The following MACF1 variants were observed in gnomAD, a reference collection of about 807,000 sequenced individuals.
MACF1 encodes the protein microtubule-actin cross-linking factor 1.
In MACF1, 193 loss-of-function variants were observed where a neutral mutation model predicts 854.8. That is an observed-to-expected ratio of 0.23 (90% confidence interval 0.20 to 0.25). The LOEUF is 0.25. Among genes scored for constraint, MACF1 ranks in the 10% least tolerant of loss-of-function variants. The probability of loss-of-function intolerance (pLI) is 1.00; values close to 1 mark genes in which losing one functional copy is unlikely to be tolerated. For synonymous variants in MACF1, 3,185 were observed against 3,226.7 expected (o/e 0.99, Z 0.44); for missense variants, 7,722 against 8,929.1 (o/e 0.86, Z 5.45).
intron 45 of MACF1, among the ~76,000 whole-genome samples, chr1:39,358,417 A>G (rs944432709): frequency 6.6e-5 from 10 of 152,188 alleles, no homozygotes; most frequent in South Asian, 4.1e-4. Flanking sequence ...CTTAACCCCT[A>G]CCTTTGTCTG....
In MACF1 at chr1:39,190,823, C is replaced by T. The variant is rs574274658; in HGVS notation, c.221-40359C>T. Among the ~76,000 whole-genome samples the T allele has an allele frequency of 3.3e-5, 5 of 152,036 alleles. No individual in the cohort carries two copies. In the South Asian group the frequency reaches 6.2e-4, roughly 19 times the overall value. Reference sequence around the variant, plus strand: ...TGGGTTGGCCAACATGGCGAAACCCCGTCTCTACTAAAAATACAAAAATTA... The same window carrying T: ...TGGGTTGGCCAACATGGCGAAACCCTGTCTCTACTAAAAATACAAAAATTA... On this transcript the variant is annotated intron_variant, in intron 2 of 93. Coordinates refer to the MACF1 transcript ENST00000361689.
chr1:39,459,311 C>G (rs747761963), intron 91 of MACF1, 62 bp downstream of exon 91: 27 of 1,503,518 alleles, frequency 1.8e-5, no homozygotes, highest in Non-Finnish European at 2.4e-5. Flanking sequence ...AAACACAGCC[C>G]TTCTGAGGCT....
intron 58 of MACF1, among the ~76,000 whole-genome samples, chr1:39,392,840 C>T (rs1350602136): frequency 6.6e-6 from 1 of 152,138 alleles, no homozygotes; most frequent in Non-Finnish European, 1.5e-5. Flanking sequence ...CAGATTCTAT[C>T]ACATGGGAGT....
At chr1:39,339,517 A>T (rs938084340) in intron 38 of MACF1, among the ~76,000 whole-genome samples, 1 of 152,232 alleles carries the variant, frequency 6.6e-6, no homozygotes, top group Non-Finnish European at 1.5e-5. Context: ...GTGACGGGAT[A>T]TAAACTAACT....
upstream of MACF1, among the ~76,000 whole-genome samples, chr1:39,201,347 A>G (rs1431542903): frequency 1.3e-5 from 2 of 151,924 alleles, no homozygotes; most frequent in African/African-American, 2.4e-5. Flanking sequence ...TGATCTCAAC[A>G]TAGGAACAAG....
At chr1:39,262,336 G>A (rs1464408677) in intron 6 of MACF1, among the ~76,000 whole-genome samples, 1 of 145,278 alleles carries the variant, frequency 6.9e-6, no homozygotes, top group Non-Finnish European at 1.5e-5. Flanking sequence ...GGGAGGTGGA[G>A]GCTGCAGTGA....
At chr1:39,195,826 T>G (rs1348578025) in intron 2 of MACF1, among the ~76,000 whole-genome samples, 1 of 152,218 alleles carries the variant, frequency 6.6e-6, no homozygotes, top group Non-Finnish European at 1.5e-5. Context: ...CCAATCATTA[T>G]ACATGCTTCA....
chr1:39,333,266 A>G lies in MACF1; in HGVS notation c.6678A>G (p.Lys2226=). The change falls in exon 37 of 101, where the codon AAA becomes AAG. Residue 2226 remains lysine (K), a synonymous_variant. Coordinates refer to ENST00000564288, the MANE Select transcript of MACF1 (RefSeq NM_001394062.1). ...ATGGGAATGTTCATCCTCTGGACAA[A>G]AAGGAAATGTTAAAGAAAACATTTC... is the stretch of plus-strand genomic sequence containing the variant. ...ETDGNVHPLD[K]KEMLKKTFLA... is the part of the protein sequence containing the mutation. 6.2e-7 allele frequency: 1 copy of G among 1,614,106 alleles called. No homozygotes were observed. The highest frequency in any genetic ancestry group is 8.5e-7 in the Non-Finnish European group (1 of 1,180,036).
chr1:39,257,894 A>G (rs1227513310), intron 5 of MACF1, 42 bp from the exon 6 acceptor site: 1 of 1,440,030 alleles, frequency 6.9e-7, no homozygotes, highest in African/African-American at 1.4e-5. Context: ...ATCAAAACAA[A>G]AAGTCCTAGA....
chr1:39,276,268 G>A (rs1645434916), intron 6 of MACF1, among the ~76,000 whole-genome samples: 1 of 152,036 alleles, frequency 6.6e-6, no homozygotes, highest in African/African-American at 2.4e-5. Flanking sequence ...TATCTTTAGT[G>A]GGTGATGAGG....
intron 58 of MACF1, among the ~76,000 whole-genome samples, chr1:39,394,752 A>C (rs1173563741): frequency 6.6e-6 from 1 of 152,184 alleles, no homozygotes; most frequent in Admixed American, 6.5e-5. Flanking sequence ...CAGTTAGTAC[A>C]CCTGCCTGAG....
At chr1:39,187,995 CCCCTT>C (rs1160407776) in intron 2 of MACF1, among the ~76,000 whole-genome samples, 11 of 71,692 alleles carry the variant, frequency 1.5e-4, no homozygotes, top group African/African-American at 4.3e-4. Context: ...CCCCTCCCCT[CCCCTT>C]CCCTTCCCTT....
chr1:39,459,124 A>G lies in MACF1; in HGVS notation c.21235A>G (p.Ile7079Val), dbSNP rs373082989. The change falls in exon 91 of 101, where the codon ATC becomes GTC. Residue 7079 changes from isoleucine to valine, a missense_variant. Transcript: ENST00000564288. ...TCAGCCAACCCCTCCTCCCATGCCA[A>G]TCCTTTCACAGTCTGAAGCAAAAAA... is the stretch of plus-strand genomic sequence containing the variant. ...LSQPTPPPMP[I>V]LSQSEAKNPR... The G allele has an allele frequency of 2.9e-5, 46 of 1,613,892 alleles. No individual in the cohort carries two copies. Among genetic ancestry groups the G allele is most frequent in the African/African-American group, 8.0e-5 (6 of 74,882 alleles).
chr1:39,392,574 T>C (rs1642076054), intron 58 of MACF1, among the ~76,000 whole-genome samples: 1 of 152,286 alleles, frequency 6.6e-6, no homozygotes, highest in South Asian at 2.1e-4. Context: ...GAAGAGGATA[T>C]GAATCTGGGA....
chr1:39,254,803 A>G (rs574617618), intron 5 of MACF1, among the ~76,000 whole-genome samples: 1 of 152,232 alleles, frequency 6.6e-6, no homozygotes, highest in Non-Finnish European at 1.5e-5. Flanking sequence ...AAAAAGGTCT[A>G]AGTTGTTAAG....
At chr1:39,480,425 A>G (rs1339963639) in intron 98 of MACF1, among the ~76,000 whole-genome samples, 1 of 152,226 alleles carries the variant, frequency 6.6e-6, no homozygotes, top group African/African-American at 2.4e-5. Flanking sequence ...AGCGTGGGCA[A>G]CATAGCAAGA....
rs755044209 is a variant in MACF1, at chr1:39,335,391, A to G, written c.8803A>G (p.Ile2935Val). 1 of 1,614,160 alleles carries G rather than the reference A, an allele frequency of 6.2e-7. No individual in the cohort carries two copies. Among genetic ancestry groups the G allele is most frequent in the Admixed American group, 1.7e-5 (1 of 60,020 alleles). The change falls in exon 37 of 101, where the codon ATA becomes GTA. Residue 2935 changes from isoleucine (I) to valine (V), a missense_variant. Ile to Val is a conservative substitution (Grantham distance 29). Transcript: ENST00000564288. ...TACCTCATGTCTAGATTCTGAAGAA[A>G]TAAGAGAAAATCAAGGGGAAGTGAT... is the stretch of plus-strand genomic sequence containing the variant. Reference protein sequence around the residue: ...QSTSCLDSEEIRENQGEVILE... With the variant: ...QSTSCLDSEEVRENQGEVILE...
In MACF1 at chr1:39,335,725, C is replaced by A. The variant is rs1183839867; in HGVS notation, c.9137C>A (p.Ser3046Tyr). 1 of 1,613,732 alleles carries A rather than the reference C, an allele frequency of 6.2e-7. No individual in the cohort carries two copies. The highest frequency in any genetic ancestry group is 8.5e-7 in the Non-Finnish European group (1 of 1,179,962). ...SITFKIEESS[S>Y]QVVPQGISVK... ...ACTTTTAAAATTGAAGAGTCCTCTT[C>A]CCAAGTGGTACCTCAAGGAATTTCT... Residue 3046 changes from serine to tyrosine, a missense_variant, in exon 37 of 101, where the codon TCC becomes TAC. This residue lies in a region of MACF1 where 854 missense variants were observed against 852.6 expected (regional missense o/e 1.00). Transcript: ENST00000564288.
chr1:39,388,418 T>C lies in MACF1; in HGVS notation c.15576T>C (p.Thr5192=), dbSNP rs1641883442. The C allele has an allele frequency of 4.3e-6, 7 of 1,614,110 alleles. No individual in the cohort carries two copies. The Middle Eastern group carries it at 6.6e-4, about 152-fold the overall frequency. The part of the protein sequence containing the change: ...ECRHMLEEEG[T]LDLLGLKREL... ...GACATATGCTAGAAGAAGAGGGGAC[T>C]CTGGATTTGTTAGGTCTCAAAAGGG... Residue 5192 remains threonine (T), a synonymous_variant, in exon 58 of 101, where the codon ACT becomes ACC. Coordinates refer to ENST00000564288, the MANE Select transcript of MACF1 (RefSeq NM_001394062.1).
Sources: allele counts gnomAD v4.1 joint callset (sites outside exome capture counted in the v4.1 genomes callset), GRCh38; gene constraint gnomAD v4.1.1; regional missense constraint gnomAD v4.1.1; transcripts MANE v1.5; gene names NCBI Gene and HGNC (gene_info 2026-07-23, HGNC 2026-07-21).